SLC12A3: variants seen among roughly 807,000 people sequenced by gnomAD.
SLC12A3 encodes Na-Cl cotransporter.
In SLC12A3, 104 loss-of-function variants were observed where a neutral mutation model predicts 121.0. The observed-to-expected ratio is 0.86, with a 90% CI of 0.73 to 1.01. SLC12A3 has a LOEUF of 1.01. Ranked by LOEUF, SLC12A3 falls within the 50% of genes least tolerant of loss-of-function variation. The pLI is 0.00. For missense variants in SLC12A3, 1,328 were observed against 1,356.3 expected (o/e 0.98, Z 0.33); for synonymous variants, 536 against 533.4 (o/e 1.00, Z -0.07).
chr16:56,878,809 G>A (rs2055198905), intron 9 of SLC12A3, among the ~76,000 whole-genome samples: 1 of 152,182 alleles, frequency 6.6e-6, no homozygotes, highest in African/African-American at 2.4e-5. Flanking sequence ...ATCTAAGGAG[G>A]ACATTGTGAT....
At chr16:56,899,438 G>A (rs1288254041) in intron 22 of SLC12A3, 92 bp from the exon 23 acceptor site, 2 of 952,066 alleles carry the variant, frequency 2.1e-6, no homozygotes, top group Non-Finnish European at 1.7e-6. Context: ...GCAGTGAATC[G>A]AGATTGCACC....
rs1183090462 is a variant in SLC12A3, at chr16:56,901,936, T to C, written c.2721-437T>C. Among the ~76,000 whole-genome samples the C allele has an allele frequency of 7.9e-4, 120 of 152,226 alleles. 2 individuals are homozygous for C. The highest frequency in any genetic ancestry group is 7.9e-3 in the Admixed American group (120 of 15,286). ...CTGGTTTTGCAAGGACAGACTTCCT[T>C]CAGGTCCCAGAAGGGCCTTCCCCAC... On this transcript the variant is annotated intron_variant, in intron 23 of 25. Coordinates refer to ENST00000563236, the MANE Select transcript of SLC12A3 (RefSeq NM_001126108.2).
chr16:56,867,302 C>T (rs975531141), intron 2 of SLC12A3, 86 bp downstream of exon 2: 1 of 1,393,238 alleles, frequency 7.2e-7, no homozygotes, highest in Non-Finnish European at 9.8e-7. Flanking sequence ...GACTCTCAGG[C>T]CCTGGTGGGG....
intron 22 of SLC12A3, among the ~76,000 whole-genome samples, chr16:56,895,949 A>G (rs1342645216): frequency 6.6e-6 from 1 of 152,046 alleles, no homozygotes; most frequent in Non-Finnish European, 1.5e-5. Flanking sequence ...TAAGAGTCTA[A>G]TGCCACTGCT....
rs34018054 is a variant in SLC12A3, at chr16:56,904,273, G to A, written c.2857-122G>A. 1.9e-3 allele frequency: 1,744 copies of A among 936,414 alleles called. 17 individuals carry two copies. The African/African-American group carries it at 0.024, about 13-fold the overall frequency. 58.0% of individuals were successfully genotyped at this position (936,414 alleles called of 1,614,324 possible). ...AGGAGACTCTATAAGAATTTATGAG[G>A]CAGCAGAGTCTACAAGTAAATCATG... On this transcript the variant is annotated intron_variant, in intron 24 of 25. Transcript: ENST00000563236.
intron 22 of SLC12A3, among the ~76,000 whole-genome samples, chr16:56,898,057 C>A (rs2055488819): frequency 6.6e-6 from 1 of 152,172 alleles, no homozygotes; most frequent in Admixed American, 6.5e-5. Context: ...CCCTGTTCCA[C>A]CCCCCTGCAC....
rs1181748419 is a variant in SLC12A3 at position 56,882,507 on chromosome 16, C to T, written c.1669+10C>T. On this transcript the variant is annotated intron_variant, in intron 13 of 25. Coordinates refer to ENST00000563236, the MANE Select transcript of SLC12A3 (RefSeq NM_001126108.2). ...ATCACCAACTCGCCTGGTAAGCAAA[C>T]CCTTCACCCACCTCAGGAGGAGGCA... 1 of 1,607,176 alleles carries T rather than the reference C, an allele frequency of 6.2e-7. No homozygotes were observed.
At chr16:56,878,757 G>A (rs2055198112) in intron 9 of SLC12A3, among the ~76,000 whole-genome samples, 1 of 152,086 alleles carries the variant, frequency 6.6e-6, no homozygotes, top group Non-Finnish European at 1.5e-5. Flanking sequence ...AAGGGACTTG[G>A]TCCAGCTCAC....
chr16:56,880,350 C>T (rs2055224463), intron 12 of SLC12A3, 97 bp downstream of exon 12: 12 of 1,432,586 alleles, frequency 8.4e-6, no homozygotes, highest in Non-Finnish European at 1.1e-5. Context: ...CTCCTCATCT[C>T]CCCGCCGGGC....
chr16:56,915,119 G>A lies in SLC12A3; in HGVS notation c.*1714G>A, dbSNP rs2055736161. On this transcript the variant is annotated 3_prime_UTR_variant, in exon 26 of 26. Coordinates refer to ENST00000563236, the MANE Select transcript of SLC12A3 (RefSeq NM_001126108.2). ...AAGAGCACTGCCATCGAATGCCAGT[G>A]GGTGAGGCCAAGTGAGGGTATTTGC... The A allele has an allele frequency of 6.6e-6, 1 of 152,308 alleles. No individual in the cohort carries two copies. Among genetic ancestry groups the A allele is most frequent in the Non-Finnish European group, 1.5e-5 (1 of 68,128 alleles). The allele number at this position is 152,308 out of a possible 1,614,324, so 9.4% of individuals were successfully genotyped here. A position where few individuals can be genotyped will look rare whatever the true frequency, so the allele number is the denominator to read the frequency against.
In SLC12A3 at chr16:56,869,737, T is replaced by A; in HGVS notation, c.514T>A (p.Trp172Arg). The A allele has an allele frequency of 6.2e-7, 1 of 1,614,150 alleles. No individual in the cohort carries two copies. The highest frequency in any genetic ancestry group is 8.5e-7 in the Non-Finnish European group (1 of 1,180,000). ...ITAQAGIVLT[W>R]IIILLSVTVT... is the part of the protein sequence containing the mutation. ...TTGGGTGCCCCCTGCAGTCCTGACC[T>A]GGATCATCATCCTGCTGTCGGTCAC... is the stretch of plus-strand genomic sequence containing the variant. Residue 172 changes from tryptophan (W) to arginine (R), a missense_variant, in exon 4 of 26, where the codon TGG (tryptophan) becomes AGG (arginine). Trp to Arg is a moderately radical substitution (Grantham distance 101). Coordinates refer to ENST00000563236, the MANE Select transcript of SLC12A3 (RefSeq NM_001126108.2).
chr16:56,896,093 G>T (rs796829363), intron 22 of SLC12A3, among the ~76,000 whole-genome samples: 1 of 152,230 alleles, frequency 6.6e-6, no homozygotes, highest in Non-Finnish European at 1.5e-5. Flanking sequence ...CAGCCCCGGG[G>T]GTCAGGGGCC....
chr16:56,888,679 C>T (rs984415836), intron 18 of SLC12A3, among the ~76,000 whole-genome samples: 27 of 151,022 alleles, frequency 1.8e-4, no homozygotes, highest in African/African-American at 6.6e-4. Context: ...CTGCCTCAGC[C>T]TCTTGAGTAG....
In SLC12A3 at chr16:56,914,447, T is replaced by A. The variant is rs972538110; in HGVS notation, c.*1042T>A. On this transcript the variant is annotated 3_prime_UTR_variant, in exon 26 of 26. Coordinates refer to ENST00000563236, the MANE Select transcript of SLC12A3 (RefSeq NM_001126108.2). ...GTCCTCCAGTATGTTCTGTTCTGTT[T>A]ATTTTTCACTGTTGGTTGCAATCCA... The A allele has an allele frequency of 6.6e-6, 1 of 152,272 alleles. No homozygotes were observed. Among genetic ancestry groups the A allele is most frequent in the African/African-American group, 2.4e-5 (1 of 41,462 alleles). 9.4% of individuals were successfully genotyped at this position (152,272 alleles called of 1,614,324 possible).
chr16:56,888,200 G>T (rs886209598), intron 18 of SLC12A3, among the ~76,000 whole-genome samples, 169 bp downstream of exon 18: 1 of 152,214 alleles, frequency 6.6e-6, no homozygotes, highest in African/African-American at 2.4e-5. Context: ...GCTCACTTGA[G>T]CCCAGGAGTT....
chr16:56,876,255 C>A (rs2144703620), intron 8 of SLC12A3, among the ~76,000 whole-genome samples: 1 of 152,260 alleles, frequency 6.6e-6, no homozygotes, highest in South Asian at 2.1e-4. Flanking sequence ...TCCGGTATGA[C>A]CTCATCTTTA....
Position 56,886,937 on chromosome 16 carries a change from C to A in SLC12A3, c.2038-16C>A. On this transcript the variant is annotated splice_polypyrimidine_tract_variant and intron_variant, in intron 16 of 25. Coordinates refer to ENST00000563236, the MANE Select transcript of SLC12A3 (RefSeq NM_001126108.2). Reference sequence around the variant, plus strand: ...TGAAGGCAGCTGGTGATGTCCCCTGCCCCTCCCACCCACAGGGACCCCACA... The same window carrying A: ...TGAAGGCAGCTGGTGATGTCCCCTGACCCTCCCACCCACAGGGACCCCACA... 6.2e-7 allele frequency: 1 copy of A among 1,613,110 alleles called. No homozygotes were observed. The highest frequency in any genetic ancestry group is 8.5e-7 in the Non-Finnish European group (1 of 1,179,866).
At chr16:56,891,995 C>A in intron 19 of SLC12A3, 88 bp from the exon 20 acceptor site, 1 of 1,011,992 alleles carries the variant, frequency 9.9e-7, no homozygotes, top group Non-Finnish European at 1.6e-6. Context: ...GACTTTCTTC[C>A]TAGCATTAAG....
intron 17 of SLC12A3, among the ~76,000 whole-genome samples, chr16:56,887,465 C>A (rs1483755329): frequency 6.6e-6 from 1 of 151,894 alleles, no homozygotes; most frequent in Admixed American, 6.6e-5. Flanking sequence ...TCTCAGCCCC[C>A]CAGAGTGCTC....
Sources: gnomAD v4.1 joint callset for allele counts (sites outside exome capture counted in the v4.1 genomes callset) on GRCh38, gnomAD v4.1.1 for gene constraint, MANE v1.5 for transcripts, NCBI Gene and HGNC (gene_info 2026-07-23, HGNC 2026-07-21) for gene names.